The following RNF145 variants were observed in gnomAD, a reference collection of about 807,000 sequenced individuals.
The protein encoded by RNF145 is ring finger protein 145.
A neutral mutation model predicts 57.3 loss-of-function variants in RNF145; 12 were observed. That is an observed-to-expected ratio of 0.21 (90% CI 0.13 to 0.34). The LOEUF is 0.34. Ranked by LOEUF, RNF145 falls within the 10% of genes least tolerant of loss-of-function variation. The probability of loss-of-function intolerance (pLI) is 1.00; values close to 1 mark genes in which losing one functional copy is unlikely to be tolerated. For missense variants in RNF145, 429 were observed against 799.0 expected (o/e 0.54, Z 5.58); for synonymous variants, 262 against 288.3 (o/e 0.91, Z 0.92).
intron 6 of RNF145, among the ~76,000 whole-genome samples, chr5:159,170,828 C>T (rs150117386): frequency 7.2e-5 from 11 of 152,332 alleles, no homozygotes; most frequent in East Asian, 5.8e-4. Flanking sequence ...CTGCCTCAAG[C>T]GATCCTCCCA....
Position 159,181,849 on chromosome 5 carries a change from T to C in RNF145, c.385+111A>G, listed in dbSNP as rs1784905405. ...TGGGTATATGTGGGAAAAGTCCCCATGAATCACTTTTGAGAATTCCGTTTT... is the reference window on the plus strand; with the variant it reads ...TGGGTATATGTGGGAAAAGTCCCCACGAATCACTTTTGAGAATTCCGTTTT... On this transcript the variant is annotated intron_variant, in intron 4 of 10. Transcript: ENST00000424310. 10 of 648,256 alleles carry C rather than the reference T, an allele frequency of 1.5e-5. No homozygotes were observed. The Admixed American group carries it at 1.7e-4, about 11-fold the overall frequency. 40.2% of individuals were successfully genotyped at this position (648,256 alleles called of 1,614,324 possible).
At chr5:159,209,555 G>C (rs953572428), upstream of RNF145, 37 of 988,164 alleles carry the variant, frequency 3.7e-5, no homozygotes, top group Non-Finnish European at 4.1e-5. Flanking sequence ...GCGCTCTGCG[G>C]CGGCCGCGGC....
chr5:159,209,437 G>C lies in RNF145; in HGVS notation c.-246C>G. 2 of 984,866 alleles carry C rather than the reference G, an allele frequency of 2.0e-6. No individual in the cohort carries two copies. The highest frequency in any genetic ancestry group is 2.4e-6 in the Non-Finnish European group (2 of 828,998). The allele number at this position is 984,866 out of a possible 1,614,324, so 61.0% of individuals were successfully genotyped here. ...AGCGGCAGCGGCAGCGGCCCGGCCC[G>C]TACGGTCACCATCGTCCGCGGCAGC... On this transcript the variant is annotated 5_prime_UTR_variant, in exon 1 of 11. Coordinates refer to ENST00000424310, the MANE Select transcript of RNF145 (RefSeq NM_001199383.2).
intron 3 of RNF145, among the ~76,000 whole-genome samples, chr5:159,182,689 G>T (rs1784931745): frequency 6.6e-6 from 1 of 152,054 alleles, no homozygotes; most frequent in South Asian, 2.1e-4. Flanking sequence ...TGACTACTGA[G>T]AAATAGTAAG....
chr5:159,186,243 G>A (rs1317671329), intron 3 of RNF145, among the ~76,000 whole-genome samples: 1 of 151,258 alleles, frequency 6.6e-6, no homozygotes, highest in East Asian at 1.9e-4. Context: ...AAGAAAGAAA[G>A]AAAAAGAAAA....
chr5:159,208,135 C>T, intron 1 of RNF145: 2 of 1,428,512 alleles, frequency 1.4e-6, no homozygotes, highest in Non-Finnish European at 1.8e-6. Context: ...CCTCCCACAA[C>T]GCCTGCAGAT....
Position 159,158,485 on chromosome 5 carries a change from T to C in RNF145, c.*185A>G. 1.5e-6 allele frequency: 1 copy of C among 678,242 alleles called. No homozygotes were observed. Among genetic ancestry groups the C allele is most frequent in the South Asian group, 2.1e-5 (1 of 48,646 alleles). 42.0% of individuals were successfully genotyped at this position (678,242 alleles called of 1,614,324 possible). Reference sequence around the variant, plus strand: ...TTTTGATTAGCATACATTGCAAAATTTCTCCCACAATGTCAGGGGATGAAA... The same window carrying C: ...TTTTGATTAGCATACATTGCAAAATCTCTCCCACAATGTCAGGGGATGAAA... On this transcript the variant is annotated 3_prime_UTR_variant, in exon 11 of 11. Coordinates refer to ENST00000424310, the MANE Select transcript of RNF145 (RefSeq NM_001199383.2).
At chr5:159,167,723 CT>C (rs1407681643) in intron 8 of RNF145, among the ~76,000 whole-genome samples, 8 of 152,180 alleles carry the variant, frequency 5.3e-5, no homozygotes, top group Non-Finnish European at 1.2e-4. Context: ...TGTGAAATAA[CT>C]ACCATCAACT....
At chr5:159,208,429 G>T (rs547898754) in intron 1 of RNF145, among the ~76,000 whole-genome samples, 2 of 152,186 alleles carry the variant, frequency 1.3e-5, no homozygotes, top group South Asian at 2.1e-4. Flanking sequence ...GGGTTCACGG[G>T]TCTGAGGGTC....
chr5:159,158,208 G>C lies in RNF145; in HGVS notation c.*462C>G, dbSNP rs543565166. The stretch of plus-strand genomic sequence containing the variant: ...AACTGAGGAGAAACGGGGTGGAGGA[G>C]AGGGCTGGTTGCTATTCAGACTTGA... On this transcript the variant is annotated 3_prime_UTR_variant, in exon 11 of 11. Transcript: ENST00000424310. 6.1e-6 allele frequency: 1 copy of C among 164,556 alleles called. No homozygotes were observed. Among genetic ancestry groups the C allele is most frequent in the African/African-American group, 2.4e-5 (1 of 41,652 alleles). 10.2% of individuals were successfully genotyped at this position (164,556 alleles called of 1,614,324 possible).
chr5:159,158,417 T>C lies in RNF145; in HGVS notation c.*253A>G. On this transcript the variant is annotated 3_prime_UTR_variant, in exon 11 of 11. Transcript: ENST00000424310. ...TGAAGTTGCTGAGGTTGAATTTTCT[T>C]CACAAACCTCTATAAAACATCAGCA... 1 of 433,440 alleles carries C rather than the reference T, an allele frequency of 2.3e-6. No homozygotes were observed. The highest frequency in any genetic ancestry group is 4.1e-6 in the Non-Finnish European group (1 of 241,748). 26.8% of individuals were successfully genotyped at this position (433,440 alleles called of 1,614,324 possible).
intron 4 of RNF145, among the ~76,000 whole-genome samples, chr5:159,179,172 T>G (rs550835361): frequency 6.6e-6 from 1 of 152,142 alleles, no homozygotes; most frequent in Admixed American, 6.6e-5. Flanking sequence ...GGTTACAGGC[T>G]CCCTTTATCT....
At chr5:159,184,041 G>A (rs1172600776) in intron 3 of RNF145, among the ~76,000 whole-genome samples, 1 of 152,186 alleles carries the variant, frequency 6.6e-6, no homozygotes, top group Non-Finnish European at 1.5e-5. Context: ...TCCCCAAGGA[G>A]AAAGCCACAA....
chr5:159,186,142 GT>G lies in RNF145; in HGVS notation c.294-4092del, dbSNP rs575961625. Reference sequence around the variant, plus strand: ...TGGGAGGCTGAGGCGGGAGAATTGTGTGGACCTGGTAGGGGCAGGGGTTGCA... The same window carrying G: ...TGGGAGGCTGAGGCGGGAGAATTGTGGGACCTGGTAGGGGCAGGGGTTGCA... On this transcript the variant is annotated intron_variant, in intron 3 of 10. Transcript: ENST00000424310. 4.5e-3 allele frequency among the ~76,000 whole-genome samples: 681 copies of G among 152,158 alleles called. 5 individuals are homozygous for G. Among genetic ancestry groups the G allele is most frequent in the African/African-American group, 0.016 (662 of 41,514 alleles).
chr5:159,174,201 C>G, intron 5 of RNF145, 43 bp from the exon 6 acceptor site: 1 of 1,369,846 alleles, frequency 7.3e-7, no homozygotes, highest in Non-Finnish European at 1.0e-6. Flanking sequence ...GCATCACCAT[C>G]AATAAACACT....
At chr5:159,199,956 G>C (rs1018436569) in intron 2 of RNF145, among the ~76,000 whole-genome samples, 2 of 151,914 alleles carry the variant, frequency 1.3e-5, no homozygotes, top group African/African-American at 4.8e-5. Context: ...TAATTTTTAA[G>C]CTCCTTAATT....
chr5:159,192,205 G>A (rs1278037917), intron 3 of RNF145, among the ~76,000 whole-genome samples: 1 of 152,182 alleles, frequency 6.6e-6, no homozygotes, highest in Non-Finnish European at 1.5e-5. Context: ...GGAAGGGAGT[G>A]TGCAAAAGTT....
intron 8 of RNF145, among the ~76,000 whole-genome samples, chr5:159,165,752 T>C (rs1008629754): frequency 6.6e-6 from 1 of 151,074 alleles, no homozygotes; most frequent in Non-Finnish European, 1.5e-5. Context: ...TCCTACATTA[T>C]CATCTTTTTG....
At chr5:159,166,644 A>G (rs959468610) in intron 8 of RNF145, among the ~76,000 whole-genome samples, 1 of 152,186 alleles carries the variant, frequency 6.6e-6, no homozygotes, top group Non-Finnish European at 1.5e-5. Flanking sequence ...AGTTCCACCC[A>G]TATGTGGGTC....
Sources: allele counts gnomAD v4.1 joint callset (sites outside exome capture counted in the v4.1 genomes callset), GRCh38; gene constraint gnomAD v4.1.1; transcripts MANE v1.5; gene names NCBI Gene and HGNC (gene_info 2026-07-23, HGNC 2026-07-21).